TUBB8: variants seen among roughly 807,000 people sequenced by gnomAD.
TUBB8 encodes the protein tubulin beta-8 chain.
TUBB8 carries 25 observed loss-of-function variants against 33.7 expected under a neutral mutation model. The observed-to-expected ratio is 0.74, with a 90% CI of 0.54 to 1.04. TUBB8 has a LOEUF of 1.04. Among genes scored for constraint, TUBB8 ranks in the 50% least tolerant of loss-of-function variants. The pLI is 0.00. For synonymous variants in TUBB8, 245 were observed against 240.1 expected (o/e 1.02, Z -0.19); for missense variants, 279 against 608.0 (o/e 0.46, Z 5.69).
chr10:70,134 T>C (rs1279204956), intron 1 of TUBB8, among the ~76,000 whole-genome samples: 1 of 152,080 alleles, frequency 6.6e-6, no homozygotes, highest in Non-Finnish European at 1.5e-5. Context: ...CTGCAAAAGG[T>C]GTTGTGTTAG....
chr10:50,571 T>G (rs1382613809), upstream of TUBB8, among the ~76,000 whole-genome samples: 3 of 152,156 alleles, frequency 2.0e-5, no homozygotes, highest in African/African-American at 7.2e-5. Flanking sequence ...TACTCACTTT[T>G]TGGCAGCAAA....
At chr10:74,892 G>A (rs1258722337), upstream of TUBB8, among the ~76,000 whole-genome samples, 2 of 64,904 alleles carry the variant, frequency 3.1e-5, no homozygotes, top group African/African-American at 5.4e-5. Flanking sequence ...TTTTTTTTTT[G>A]AGACGGAGTT....
chr10:62,864 T>C (rs1160726528), intron 1 of TUBB8, among the ~76,000 whole-genome samples: 2 of 152,244 alleles, frequency 1.3e-5, no homozygotes, highest in African/African-American at 4.8e-5. Context: ...TCAGATGTAT[T>C]GGAGTTCCAC....
intron 1 of TUBB8, among the ~76,000 whole-genome samples, chr10:62,603 A>T (rs1262315779): frequency 2.6e-5 from 4 of 151,490 alleles, no homozygotes; most frequent in Non-Finnish European, 4.4e-5. Context: ...CCTTCAGATG[A>T]CTTCTTATTG....
chr10:60,137 T>C (rs572181935), intron 1 of TUBB8, among the ~76,000 whole-genome samples: 50 of 152,342 alleles, frequency 3.3e-4, no homozygotes, highest in Non-Finnish European at 6.8e-4. Flanking sequence ...ATTATTCTTT[T>C]CTTCTAATTT....
chr10:47,531 A>G lies in TUBB8; in HGVS notation c.861T>C (p.Ala287=), dbSNP rs782491370. 4.3e-6 allele frequency: 7 copies of G among 1,612,144 alleles called. No homozygotes were observed. In the South Asian group the frequency reaches 6.6e-5, roughly 15 times the overall value. ...CATCAAACATCTGCTGGGTAAGCTC[A>G]GCCACAGTCAAGGCCCGGTACTGCT... is the stretch of plus-strand genomic sequence containing the variant. ...GSQQYRALTV[A]ELTQQMFDAK... The change falls in exon 4 of 4, where the codon GCT becomes GCC. Residue 287 remains alanine (A), a synonymous_variant. Coordinates refer to ENST00000568584, the MANE Select transcript of TUBB8 (RefSeq NM_177987.3).
intron 1 of TUBB8, among the ~76,000 whole-genome samples, chr10:67,457 C>T (rs1554741753): frequency 6.6e-6 from 1 of 152,208 alleles, no homozygotes; most frequent in Admixed American, 6.5e-5. Flanking sequence ...TGGGGTCTCA[C>T]TCTGTCACCC....
At chr10:58,391 T>C (rs568689399) in intron 1 of TUBB8, among the ~76,000 whole-genome samples, 1 of 152,368 alleles carries the variant, frequency 6.6e-6, no homozygotes, top group Non-Finnish European at 1.5e-5. Context: ...ATAACAATTT[T>C]CCACTCCTTT....
chr10:61,185 C>A (rs1834597773), intron 1 of TUBB8, among the ~76,000 whole-genome samples: 1 of 151,790 alleles, frequency 6.6e-6, no homozygotes, highest in Admixed American at 6.6e-5. Context: ...TGTAACTAAC[C>A]TACACAATGT....
upstream of TUBB8, chr10:74,177 G>T (rs1425140454): frequency 6.6e-6 from 1 of 151,028 alleles, no homozygotes; most frequent in African/African-American, 2.4e-5. Flanking sequence ...CACGGTTCGC[G>T]CGCGCGCGGC....
At chr10:50,157 C>G (rs1834448044), upstream of TUBB8, 1 of 152,374 alleles carries the variant, frequency 6.6e-6, no homozygotes, top group East Asian at 1.9e-4. Flanking sequence ...GAGAAAATTG[C>G]TGGCCATTTG....
At chr10:59,938 G>A (rs1330944064) in intron 1 of TUBB8, among the ~76,000 whole-genome samples, 1 of 151,954 alleles carries the variant, frequency 6.6e-6, no homozygotes, top group Non-Finnish European at 1.5e-5. Flanking sequence ...AGCCACTAAT[G>A]ATCTTTTGAT....
intron 1 of TUBB8, among the ~76,000 whole-genome samples, chr10:64,185 T>C (rs1284575791): frequency 2.0e-5 from 3 of 152,118 alleles, no homozygotes; most frequent in Non-Finnish European, 4.4e-5. Context: ...GAGACTGTGC[T>C]GGTTCACACA....
At chr10:65,261 T>G (rs1196527569) in intron 1 of TUBB8, among the ~76,000 whole-genome samples, 1 of 152,252 alleles carries the variant, frequency 6.6e-6, no homozygotes, top group Non-Finnish European at 1.5e-5. Context: ...TCCTCAGGTA[T>G]GTTTTCTTTC....
Position 48,578 on chromosome 10 carries a change from C to T in TUBB8, c.277+37G>A, listed in dbSNP as rs572331987. The T allele has an allele frequency of 1.7e-5, 27 of 1,569,002 alleles. No individual in the cohort carries two copies. The South Asian group carries it at 2.9e-4, about 17-fold the overall frequency. On this transcript the variant is annotated intron_variant, in intron 3 of 3. Coordinates refer to ENST00000568584, the MANE Select transcript of TUBB8 (RefSeq NM_177987.3). ...ACTCCTGGATTTTGAGCTGCCCTGGCTAAGGAGCCGCACCCCAGTCCTCGC... is the reference window on the plus strand; with the variant it reads ...ACTCCTGGATTTTGAGCTGCCCTGGTTAAGGAGCCGCACCCCAGTCCTCGC...
chr10:46,931 A>G lies in TUBB8; in HGVS notation c.*126T>C, dbSNP rs1186026722. 2.4e-5 allele frequency: 14 copies of G among 588,432 alleles called. No homozygotes were observed. Among genetic ancestry groups the G allele is most frequent in the Non-Finnish European group, 3.9e-5 (13 of 334,416 alleles). 36.5% of individuals were successfully genotyped at this position (588,432 alleles called of 1,614,324 possible). A position where few individuals can be genotyped will look rare whatever the true frequency, so the allele number is the denominator to read the frequency against. ...TTTATTAGTCAAAACCGCATACTAT[A>G]AAAATGCTTTAAAACGCAGCAGGAG... On this transcript the variant is annotated 3_prime_UTR_variant, in exon 4 of 4. Transcript: ENST00000568584.
At chr10:63,923 C>T (rs1195378884) in intron 1 of TUBB8, among the ~76,000 whole-genome samples, 7 of 152,156 alleles carry the variant, frequency 4.6e-5, no homozygotes, top group African/African-American at 1.7e-4. Flanking sequence ...TGTTGGTGCC[C>T]ATTATTTTTG....
intron 1 of TUBB8, among the ~76,000 whole-genome samples, chr10:68,487 G>A (rs1450852562): frequency 3.9e-5 from 6 of 152,170 alleles, no homozygotes; most frequent in South Asian, 2.1e-4. Flanking sequence ...GACTCTCACC[G>A]GGGTGCTTGG....
upstream of TUBB8, chr10:49,423 C>T (rs115560198): frequency 8.4e-6 from 6 of 715,018 alleles, no homozygotes; most frequent in African/African-American, 3.5e-5. Context: ...GATCCCCTGG[C>T]GCTGAACATC....
Sources: allele counts gnomAD v4.1 joint callset (sites outside exome capture counted in the v4.1 genomes callset), GRCh38; gene constraint gnomAD v4.1.1; transcripts MANE v1.5; gene names NCBI Gene and HGNC (gene_info 2026-07-23, HGNC 2026-07-21).